ELAVL2: variants seen among roughly 807,000 people sequenced by gnomAD.
ELAVL2 encodes the protein ELAV like RNA binding protein 2, also known as ELAV-like protein 2.
In ELAVL2, 4 loss-of-function variants were observed where a neutral mutation model predicts 34.6. That is an observed-to-expected ratio of 0.12 (90% CI 0.06 to 0.26). The LOEUF is 0.26. Ranked by LOEUF, ELAVL2 falls within the 10% of genes least tolerant of loss-of-function variation. The probability of loss-of-function intolerance (pLI) is 1.00; values close to 1 mark genes in which losing one functional copy is unlikely to be tolerated. For synonymous variants in ELAVL2, 193 were observed against 154.8 expected, an observed-to-expected ratio of 1.25 and a Z score of -1.83; for missense variants, 432 against 442.8, an observed-to-expected ratio of 0.98 and a Z score of 0.22.
intron 3 of ELAVL2, among the ~76,000 whole-genome samples, chr9:23,713,845 T>A (rs1746949333): frequency 6.6e-6 from 1 of 152,128 alleles, no homozygotes; most frequent in African/African-American, 2.4e-5. Context: ...ACCAGAACCC[T>A]CCCATGTTAA....
At chr9:23,773,444 T>A (rs1210895355) in intron 1 of ELAVL2, among the ~76,000 whole-genome samples, 3 of 152,150 alleles carry the variant, frequency 2.0e-5, no homozygotes, top group African/African-American at 7.2e-5. Flanking sequence ...CAAGTTGTCT[T>A]AGTATCATTC....
the ELAVL2 span, among the ~76,000 whole-genome samples, chr9:23,844,219 C>T: frequency 3.3e-5 from 5 of 152,080 alleles, no homozygotes; most frequent in East Asian, 1.9e-4. Context: ...TATCTCACTA[C>T]GTTATAACCA....
intron 4 of ELAVL2, among the ~76,000 whole-genome samples, chr9:23,704,545 T>C (rs2038660523): frequency 6.6e-6 from 1 of 152,016 alleles, no homozygotes; most frequent in Admixed American, 6.6e-5. Context: ...ACTAGCTGCA[T>C]ACCGCTGCAT....
intron 2 of ELAVL2, among the ~76,000 whole-genome samples, chr9:23,740,328 C>T (rs185690316): frequency 5.9e-5 from 9 of 152,278 alleles, no homozygotes; most frequent in East Asian, 1.9e-4. Flanking sequence ...ATCCATTTTA[C>T]GGACATAAAG....
intron 1 of ELAVL2, among the ~76,000 whole-genome samples, chr9:23,796,586 G>C (rs116563363): frequency 1.3e-5 from 2 of 152,234 alleles, no homozygotes; most frequent in African/African-American, 4.8e-5. Flanking sequence ...ATGATCCAAA[G>C]ATGCATGACT....
At chr9:23,784,313 A>G (rs1223068314) in intron 1 of ELAVL2, among the ~76,000 whole-genome samples, 5 of 152,250 alleles carry the variant, frequency 3.3e-5, no homozygotes, top group African/African-American at 1.2e-4. Context: ...GCTAATGTTT[A>G]GAATTGCAGT....
chr9:23,804,914 T>G (rs1291309839), intron 1 of ELAVL2, among the ~76,000 whole-genome samples: 1 of 152,186 alleles, frequency 6.6e-6, no homozygotes, highest in Non-Finnish European at 1.5e-5. Flanking sequence ...GGGTAGGGCC[T>G]TTCCAGCTCT....
chr9:23,842,957 A>G, the ELAVL2 span, among the ~76,000 whole-genome samples: 1 of 152,120 alleles, frequency 6.6e-6, no homozygotes, highest in South Asian at 2.1e-4. Flanking sequence ...CTTCTTAGCT[A>G]GATAAAATGG....
chr9:23,761,991 C>G lies in ELAVL2; in HGVS notation c.229+15G>C. The G allele has an allele frequency of 6.2e-7, 1 of 1,605,950 alleles. No homozygotes were observed. The highest frequency in any genetic ancestry group is 8.5e-7 in the Non-Finnish European group (1 of 1,175,528). Reference sequence around the variant, plus strand: ...CGATCCGTTAAATATAAATCATCTACATAAAACTGCTTACCTGTTATTTTG... The same window carrying G: ...CGATCCGTTAAATATAAATCATCTAGATAAAACTGCTTACCTGTTATTTTG... On this transcript the variant is annotated intron_variant, in intron 2 of 6. Coordinates refer to ENST00000397312, the MANE Select transcript of ELAVL2 (RefSeq NM_004432.5).
intron 5 of ELAVL2, among the ~76,000 whole-genome samples, chr9:23,699,651 T>C (rs959515765): frequency 1.8e-4 from 27 of 152,114 alleles, no homozygotes; most frequent in African/African-American, 6.0e-4. Flanking sequence ...TTTATACATA[T>C]ATTATTCACT....
At chr9:23,730,317 C>T (rs945443887) in intron 3 of ELAVL2, among the ~76,000 whole-genome samples, 5 of 152,044 alleles carry the variant, frequency 3.3e-5, no homozygotes, top group African/African-American at 2.4e-5. Context: ...ATTTACTGTA[C>T]GTCTTAAAAA....
intron 1 of ELAVL2, among the ~76,000 whole-genome samples, chr9:23,825,003 C>G (rs948010126): frequency 6.6e-6 from 1 of 152,172 alleles, no homozygotes; most frequent in Non-Finnish European, 1.5e-5. Context: ...GCGCCCAGCA[C>G]AGCGAGGCTC....
At chr9:23,740,335 A>C (rs1051075582) in intron 2 of ELAVL2, among the ~76,000 whole-genome samples, 1 of 152,196 alleles carries the variant, frequency 6.6e-6, no homozygotes, top group Non-Finnish European at 1.5e-5. Flanking sequence ...TTACGGACAT[A>C]AAGTTGGAGG....
intron 2 of ELAVL2, among the ~76,000 whole-genome samples, chr9:23,732,647 A>C (rs1445545983): frequency 2.0e-5 from 3 of 152,180 alleles, no homozygotes; most frequent in Admixed American, 6.5e-5. Context: ...CATTGAGTAG[A>C]ATTAAATTGG....
chr9:23,808,090 G>C (rs1049378179), intron 1 of ELAVL2, among the ~76,000 whole-genome samples: 1 of 152,126 alleles, frequency 6.6e-6, no homozygotes, highest in Admixed American at 6.6e-5. Context: ...AAGGAGAATA[G>C]AGTTTAATTT....
chr9:23,725,003 A>C (rs927095968), intron 3 of ELAVL2, among the ~76,000 whole-genome samples: 5 of 152,166 alleles, frequency 3.3e-5, no homozygotes, highest in Non-Finnish European at 7.3e-5. Context: ...AAGGTTTTTA[A>C]ATGAGGGGTA....
chr9:23,721,281 C>T lies in ELAVL2; in HGVS notation c.333+9741G>A, dbSNP rs560228549. 3.9e-5 allele frequency among the ~76,000 whole-genome samples: 6 copies of T among 152,342 alleles called. No homozygotes were observed. The South Asian group carries it at 1.2e-3, about 32-fold the overall frequency. On this transcript the variant is annotated intron_variant, in intron 3 of 6. Transcript: ENST00000397312. ...TGGGTTAGCCTCTTCAAAAAGGCCA[C>T]TGTGCTTGATTCTATGAAGTTAGGA... is the stretch of plus-strand genomic sequence containing the variant.
intron 3 of ELAVL2, among the ~76,000 whole-genome samples, chr9:23,717,294 T>A (rs1404748837): frequency 2.0e-5 from 3 of 152,188 alleles, no homozygotes; most frequent in African/African-American, 7.2e-5. Flanking sequence ...ATGAGTCCCA[T>A]GGGTCTCCAC....
chr9:23,795,806 C>T (rs1385481559), intron 1 of ELAVL2, among the ~76,000 whole-genome samples: 1 of 152,150 alleles, frequency 6.6e-6, no homozygotes, highest in African/African-American at 2.4e-5. Flanking sequence ...AATGTGTCTC[C>T]TCCCTGAAAG....
Sources: gnomAD v4.1 joint callset for allele counts (sites outside exome capture counted in the v4.1 genomes callset) on GRCh38, gnomAD v4.1.1 for gene constraint, MANE v1.5 for transcripts, NCBI Gene and HGNC (gene_info 2026-07-23, HGNC 2026-07-21) for gene names.